ITPR2: variants seen among roughly 807,000 people sequenced by gnomAD.
ITPR2 encodes the protein inositol 1,4,5-trisphosphate-gated calcium channel ITPR2.
A neutral mutation model predicts 317.1 loss-of-function variants in ITPR2; 207 were observed. The ratio of observed to expected loss-of-function variants is 0.65; its 90% CI spans 0.58 to 0.73. ITPR2 has a LOEUF of 0.73. Among genes scored for constraint, ITPR2 ranks in the 30% least tolerant of loss-of-function variants. The pLI, the probability that ITPR2 is intolerant of heterozygous loss-of-function variation, is 0.00. For missense variants in ITPR2, 2,613 were observed against 3,284.0 expected, an observed-to-expected ratio of 0.80 and a Z score of 4.99; for synonymous variants, 1,156 against 1,149.1, an observed-to-expected ratio of 1.01 and a Z score of -0.12.
At chr12:26,756,789 A>T (rs1949529379) in intron 2 of ITPR2, among the ~76,000 whole-genome samples, 1 of 152,160 alleles carries the variant, frequency 6.6e-6, no homozygotes, top group African/African-American at 2.4e-5. Flanking sequence ...GAGGGGGGAA[A>T]TGTCAGAGGT....
At chr12:26,480,773 G>A (rs1942528581) in intron 43 of ITPR2, among the ~76,000 whole-genome samples, 1 of 152,176 alleles carries the variant, frequency 6.6e-6, no homozygotes, top group African/African-American at 2.4e-5. Flanking sequence ...CTGGGAGGAG[G>A]AGGTTGCAGT....
intron 37 of ITPR2, among the ~76,000 whole-genome samples, chr12:26,501,884 A>G (rs1943080060): frequency 6.6e-6 from 1 of 152,268 alleles, no homozygotes; most frequent in South Asian, 2.1e-4. Context: ...CTGTTTTCCA[A>G]TATAAATAAT....
chr12:26,479,375 T>C (rs1228671289), intron 43 of ITPR2, among the ~76,000 whole-genome samples: 1 of 152,256 alleles, frequency 6.6e-6, no homozygotes, highest in East Asian at 1.9e-4. Context: ...CTTTGATTTG[T>C]AAATAATCTA....
At chr12:26,402,121 G>A (rs73081111) in intron 52 of ITPR2, among the ~76,000 whole-genome samples, 4,741 of 152,306 alleles carry the variant, frequency 0.031, 111 homozygotes, top group Non-Finnish European at 0.047. Flanking sequence ...GGTGGGGGAA[G>A]CTCAGTCTGG....
chr12:26,703,211 C>A (rs1372577123), intron 9 of ITPR2, among the ~76,000 whole-genome samples: 1 of 152,190 alleles, frequency 6.6e-6, no homozygotes, highest in Non-Finnish European at 1.5e-5. Context: ...TGGTCACCTA[C>A]AGATGTTAAC....
chr12:26,464,514 C>T (rs918594249), intron 45 of ITPR2, among the ~76,000 whole-genome samples: 3 of 152,218 alleles, frequency 2.0e-5, no homozygotes, highest in African/African-American at 7.2e-5. Context: ...GGCCCCGTTC[C>T]TAACAGGCCA....
chr12:26,468,888 T>C (rs910014277), intron 45 of ITPR2, among the ~76,000 whole-genome samples: 2 of 152,214 alleles, frequency 1.3e-5, no homozygotes, highest in African/African-American at 4.8e-5. Context: ...GTAGATACCA[T>C]ACAAGATCCC....
chr12:26,784,319 GCCTCTCCCTCTC>G lies in ITPR2; in HGVS notation c.163+5826_163+5837del, dbSNP rs1190707647. On this transcript the variant is annotated intron_variant, in intron 2 of 56. Transcript: ENST00000381340. ...TCCCTCTCCCTCTCCCTCTCCCTCT[GCCTCTCCCTCTC>G]CCTCTCCCTCTCCCTCTCCCTCTCC... 8.8e-3 allele frequency among the ~76,000 whole-genome samples: 279 copies of G among 31,692 alleles called. 13 individuals are homozygous for G. The highest frequency in any genetic ancestry group is 0.027 in the African/African-American group (179 of 6,526). 20.8% of individuals were successfully genotyped at this position (31,692 alleles called of 152,430 possible). A position where few individuals can be genotyped will look rare whatever the true frequency, so the allele number is the denominator to read the frequency against.
At position 26,465,246 on chromosome 12, in the gene ITPR2, C is replaced by A. The variant is rs144874385; in HGVS notation, c.6342+10050G>T. On this transcript the variant is annotated intron_variant, in intron 45 of 56. Transcript: ENST00000381340. ...GCAAAAACTAAGTGAAGAAATATTTCACAGAAAGGAGAGTGGCCAATTGTG... is the reference window on the plus strand; with the variant it reads ...GCAAAAACTAAGTGAAGAAATATTTAACAGAAAGGAGAGTGGCCAATTGTG... Among the ~76,000 whole-genome samples the A allele has an allele frequency of 2.0e-3, 307 of 152,268 alleles. 1 individual carries two copies. Among genetic ancestry groups the A allele is most frequent in the African/African-American group, 7.0e-3 (291 of 41,538 alleles).
At chr12:26,549,586 A>G (rs1944474177) in intron 37 of ITPR2, among the ~76,000 whole-genome samples, 1 of 152,156 alleles carries the variant, frequency 6.6e-6, no homozygotes. Flanking sequence ...TAGCTAAAAA[A>G]AATTCTCTAG....
intron 2 of ITPR2, among the ~76,000 whole-genome samples, chr12:26,780,454 C>T (rs2100209): frequency 0.37 from 55,757 of 152,132 alleles, 12,716 homozygotes; most frequent in Non-Finnish European, 0.53. Context: ...ACAACATTGC[C>T]ACTGACCAAG....
At chr12:26,403,061 G>A (rs1199367975) in intron 52 of ITPR2, among the ~76,000 whole-genome samples, 2 of 152,212 alleles carry the variant, frequency 1.3e-5, no homozygotes, top group African/African-American at 2.4e-5. Context: ...CACAGATGAG[G>A]GCTTCAGTAT....
rs1354715664 is a variant in ITPR2, at chr12:26,439,013, T to C, written c.6643+114A>G. The C allele has an allele frequency of 2.2e-5, 15 of 688,122 alleles. No individual in the cohort carries two copies. The South Asian group carries it at 3.1e-4, about 14-fold the overall frequency. 42.6% of individuals were successfully genotyped at this position (688,122 alleles called of 1,614,324 possible). On this transcript the variant is annotated intron_variant, in intron 47 of 56. Coordinates refer to ENST00000381340, the MANE Select transcript of ITPR2 (RefSeq NM_002223.4). ...AAGACTGCAAGTGATTTCAGTAATA[T>C]CAGACCAGCAAGAAATTAAAAAAAC...
chr12:26,675,603 G>T (rs1226846119), intron 13 of ITPR2, among the ~76,000 whole-genome samples: 7 of 152,046 alleles, frequency 4.6e-5, no homozygotes, highest in Admixed American at 2.0e-4. Flanking sequence ...GCTAGATGAC[G>T]AGTTAGTGGG....
chr12:26,763,078 AT>A (rs1949664083), intron 2 of ITPR2, among the ~76,000 whole-genome samples: 1 of 152,254 alleles, frequency 6.6e-6, no homozygotes, highest in South Asian at 2.1e-4. Flanking sequence ...AATGAAATGC[AT>A]TTTATACTTT....
At position 26,516,117 on chromosome 12, in the gene ITPR2, C is replaced by G. The variant is rs1197537010; in HGVS notation, c.5074-20857G>C. Reference sequence around the variant, plus strand: ...CTAGCCTGGGTGACAGAGTGAGACCCTGTCTCAAAAGAAAAAAGAAAAGAA... The same window carrying G: ...CTAGCCTGGGTGACAGAGTGAGACCGTGTCTCAAAAGAAAAAAGAAAAGAA... On this transcript the variant is annotated intron_variant, in intron 37 of 56. Coordinates refer to ENST00000381340, the MANE Select transcript of ITPR2 (RefSeq NM_002223.4). 4.6e-5 allele frequency among the ~76,000 whole-genome samples: 6 copies of G among 130,902 alleles called. No individual in the cohort carries two copies. In the East Asian group the frequency reaches 1.6e-3, roughly 34 times the overall value. 85.9% of individuals were successfully genotyped at this position (130,902 alleles called of 152,430 possible).
At chr12:26,769,025 A>ACACACACACACACC (rs1441493996) in intron 2 of ITPR2, among the ~76,000 whole-genome samples, 6 of 149,810 alleles carry the variant, frequency 4.0e-5, no homozygotes, top group East Asian at 2.0e-4. Context: ...ACACACACAC[A>ACACACACACACACC]CCCCAATCTC....
At chr12:26,369,242 G>A (rs2136594816) in intron 55 of ITPR2, among the ~76,000 whole-genome samples, 1 of 152,284 alleles carries the variant, frequency 6.6e-6, no homozygotes, top group East Asian at 1.9e-4. Flanking sequence ...GCCAGTGGAA[G>A]GTTTGGAGCA....
At chr12:26,486,029 G>T in intron 41 of ITPR2, 75 bp downstream of exon 41, 2 of 1,512,658 alleles carry the variant, frequency 1.3e-6, no homozygotes, top group Non-Finnish European at 1.8e-6. Context: ...GAAACTACTT[G>T]TTGGTTTTAT....
Sources: allele counts gnomAD v4.1 joint callset (sites outside exome capture counted in the v4.1 genomes callset), GRCh38; gene constraint gnomAD v4.1.1; transcripts MANE v1.5; gene names NCBI Gene and HGNC (gene_info 2026-07-23, HGNC 2026-07-21).